Variants in KLF9 observed in about 807,000 individuals in gnomAD.
KLF9 encodes the protein Krueppel-like factor 9.
A neutral mutation model predicts 17.3 loss-of-function variants in KLF9; 2 were observed. The observed-to-expected ratio is 0.12, with a 90% CI of 0.05 to 0.36. The LOEUF is 0.36. Ranked by LOEUF, KLF9 falls within the 10% of genes least tolerant of loss-of-function variation. The pLI, the probability that KLF9 is intolerant of heterozygous loss-of-function variation, is 1.00. For synonymous variants in KLF9, 138 were observed against 139.2 expected (o/e 0.99, Z 0.06); for missense variants, 226 against 333.2 (o/e 0.68, Z 2.51).
intron 1 of KLF9, among the ~76,000 whole-genome samples, chr9:70,410,843 C>G (rs899232579): frequency 2.3e-4 from 35 of 152,216 alleles, no homozygotes; most frequent in African/African-American, 8.2e-4. Flanking sequence ...CATACCTCCT[C>G]TAGCAGGAAT....
chr9:70,400,405 C>T (rs1174757460), intron 1 of KLF9, among the ~76,000 whole-genome samples: 1 of 152,070 alleles, frequency 6.6e-6, no homozygotes, highest in Non-Finnish European at 1.5e-5. Flanking sequence ...GAGGCTGAAA[C>T]AAGAGATGAG....
rs1277143958 is a variant in KLF9, at chr9:70,409,072, GTA to G, written c.505+3785_505+3786del. ...TATACATATATGTGTATATATATGT[GTA>G]TATATATACACATATATGTATATAT... On this transcript the variant is annotated intron_variant, in intron 1 of 1. Transcript: ENST00000377126. Among the ~76,000 whole-genome samples, 22 of 102,834 alleles carry G rather than the reference GTA, an allele frequency of 2.1e-4. 1 individual carries two copies. Among genetic ancestry groups the G allele is most frequent in the African/African-American group, 2.8e-4 (8 of 28,500 alleles). 67.5% of individuals were successfully genotyped at this position (102,834 alleles called of 152,430 possible). A position where few individuals can be genotyped will look rare whatever the true frequency, so the allele number is the denominator to read the frequency against.
chr9:70,412,729 G>T, intron 1 of KLF9, 130 bp downstream of exon 1: 2 of 883,064 alleles, frequency 2.3e-6, no homozygotes, highest in Non-Finnish European at 3.5e-6. Flanking sequence ...TATTTAAAGA[G>T]TTAAACCGCA....
At chr9:70,396,517 G>A (rs1387160799) in intron 1 of KLF9, among the ~76,000 whole-genome samples, 1 of 152,132 alleles carries the variant, frequency 6.6e-6, no homozygotes. Context: ...GGCTGGCTGA[G>A]GTGGTTCATG....
chr9:70,413,292 C>A lies in KLF9; in HGVS notation c.72G>T (p.Val24=). ...CLVSISNRAA[V]PEHGVAPDAE... is the part of the protein sequence containing the mutation. ...CGTCCGGAGCGACCCCATGCTCCGG[C>A]ACCGCAGCGCGGTTCGAAATGGAAA... Residue 24 remains valine, a synonymous_variant, in exon 1 of 2, where the codon GTG becomes GTT. Coordinates refer to ENST00000377126, the MANE Select transcript of KLF9 (RefSeq NM_001206.4). The surrounding 1 kb of genome is among the most constrained non-coding windows in gnomAD (Gnocchi z 5.6). The A allele has an allele frequency of 6.2e-7, 1 of 1,610,462 alleles. No individual in the cohort carries two copies. Among genetic ancestry groups the A allele is most frequent in the South Asian group, 1.1e-5 (1 of 90,878 alleles).
chr9:70,403,666 C>A lies in KLF9; in HGVS notation c.505+9193G>T, dbSNP rs114303339. ...GAGCTACCCCTAGATGTGTTTGTAA[C>A]CTGAACCAATAAAGTTTCATTTTTT... On this transcript the variant is annotated intron_variant, in intron 1 of 1. Coordinates refer to ENST00000377126, the MANE Select transcript of KLF9 (RefSeq NM_001206.4). 5.5e-3 allele frequency among the ~76,000 whole-genome samples: 843 copies of A among 152,252 alleles called. 9 individuals carry two copies. The highest frequency in any genetic ancestry group is 0.02 in the African/African-American group (817 of 41,554).
At chr9:70,391,949 A>G (rs1203663939) in intron 1 of KLF9, among the ~76,000 whole-genome samples, 1 of 152,244 alleles carries the variant, frequency 6.6e-6, no homozygotes, top group African/African-American at 2.4e-5. Flanking sequence ...AGTTGCCCAC[A>G]GAGACTGTAC....
intron 1 of KLF9, among the ~76,000 whole-genome samples, chr9:70,412,567 G>A (rs1158940170): frequency 6.6e-6 from 1 of 152,130 alleles, no homozygotes; most frequent in African/African-American, 2.4e-5. Flanking sequence ...GAGAGTCCCG[G>A]GGGCGGGGCG....
At chr9:70,392,631 C>A (rs1050765995) in intron 1 of KLF9, among the ~76,000 whole-genome samples, 1 of 152,102 alleles carries the variant, frequency 6.6e-6, no homozygotes, top group Non-Finnish European at 1.5e-5. Context: ...TAGACGAGAA[C>A]AGAATTAAGG....
intron 1 of KLF9, among the ~76,000 whole-genome samples, chr9:70,392,342 G>A (rs1216402697): frequency 6.6e-6 from 1 of 152,144 alleles, no homozygotes; most frequent in Non-Finnish European, 1.5e-5. Context: ...ACTGAACAGG[G>A]TGCTTCCCCT....
rs2037112847 is a variant in KLF9, at chr9:70,386,715, T to C, written c.*1061A>G. 6.6e-6 allele frequency: 1 copy of C among 152,586 alleles called. No homozygotes were observed. Among genetic ancestry groups the C allele is most frequent in the Middle Eastern group, 3.4e-3 (1 of 294 alleles). The allele number at this position is 152,586 out of a possible 1,614,324, so 9.5% of individuals were successfully genotyped here. A position where few individuals can be genotyped will look rare whatever the true frequency, so the allele number is the denominator to read the frequency against. On this transcript the variant is annotated 3_prime_UTR_variant, in exon 2 of 2. Coordinates refer to ENST00000377126, the MANE Select transcript of KLF9 (RefSeq NM_001206.4). ...CCCTAGTGGCATTAGGATACAATAA[T>C]GATGTTAACTAAAAGCATAGGAAAA...
chr9:70,408,139 C>T (rs961261378), intron 1 of KLF9, among the ~76,000 whole-genome samples: 10 of 152,046 alleles, frequency 6.6e-5, no homozygotes, highest in African/African-American at 1.2e-4. Flanking sequence ...TTTGTGAGGC[C>T]GAGGTGAGCA....
chr9:70,411,964 A>G lies in KLF9; in HGVS notation c.505+895T>C, dbSNP rs112747779. On this transcript the variant is annotated intron_variant, in intron 1 of 1. Transcript: ENST00000377126. ...CACAACCAACAGAATTGGATGACCC[A>G]GGTCCCTGGAAGTCTCCAAAGCCCA... Among the ~76,000 whole-genome samples, 399 of 152,272 alleles carry G rather than the reference A, an allele frequency of 2.6e-3. 1 individual carries two copies. The highest frequency in any genetic ancestry group is 9.3e-3 in the African/African-American group (387 of 41,544).
intron 1 of KLF9, among the ~76,000 whole-genome samples, chr9:70,392,498 C>T (rs1156631346): frequency 2.0e-5 from 3 of 152,152 alleles, no homozygotes; most frequent in African/African-American, 7.2e-5. Flanking sequence ...TTGGATCTAA[C>T]ATGCCATGAT....
intron 1 of KLF9, 50 bp from the exon 2 acceptor site, chr9:70,388,055 T>A (rs762655680): frequency 1.5e-5 from 22 of 1,481,488 alleles, no homozygotes; most frequent in South Asian, 3.5e-5. Flanking sequence ...ATGAAAAAAA[T>A]TCCGAAGGGC....
intron 1 of KLF9, among the ~76,000 whole-genome samples, chr9:70,392,474 A>G (rs1325032338): frequency 6.6e-6 from 1 of 152,156 alleles, no homozygotes; most frequent in Non-Finnish European, 1.5e-5. Context: ...CACCTTTTTA[A>G]TACAGTGGAG....
intron 1 of KLF9, among the ~76,000 whole-genome samples, chr9:70,392,974 C>T (rs1564086261): frequency 6.6e-6 from 1 of 152,194 alleles, no homozygotes; most frequent in East Asian, 1.9e-4. Flanking sequence ...ACACAATAAA[C>T]TCCACTTTAC....
chr9:70,408,379 T>C (rs1388603421), intron 1 of KLF9, among the ~76,000 whole-genome samples: 1 of 152,210 alleles, frequency 6.6e-6, no homozygotes, highest in Non-Finnish European at 1.5e-5. Context: ...CTATGTTGGA[T>C]GAAGCAAGTT....
At chr9:70,404,588 G>A (rs1259657302) in intron 1 of KLF9, among the ~76,000 whole-genome samples, 1 of 152,012 alleles carries the variant, frequency 6.6e-6, no homozygotes, top group African/African-American at 2.4e-5. Flanking sequence ...CTCGGTGACA[G>A]AGTGAGACTC....
Sources: allele counts gnomAD v4.1 joint callset (sites outside exome capture counted in the v4.1 genomes callset), GRCh38; gene constraint gnomAD v4.1.1; non-coding constraint Gnocchi (gnomAD v3.1); transcripts MANE v1.5; gene names NCBI Gene and HGNC (gene_info 2026-07-23, HGNC 2026-07-21).